RAB30: variants seen among roughly 807,000 people sequenced by gnomAD.
The protein encoded by RAB30 is RAB30, member RAS oncogene family.
In RAB30, 9 loss-of-function variants were observed where a neutral mutation model predicts 25.1. The ratio of observed to expected loss-of-function variants is 0.36; its 90% CI spans 0.22 to 0.63. The LOEUF (loss-of-function observed/expected upper bound fraction) is 0.63. Ranked by LOEUF, RAB30 falls within the 20% of genes least tolerant of loss-of-function variation. RAB30 has a pLI of 0.69. For missense variants in RAB30, 140 were observed against 243.5 expected, an observed-to-expected ratio of 0.58 and a Z score of 2.83; for synonymous variants, 77 against 86.4, an observed-to-expected ratio of 0.89 and a Z score of 0.60.
chr11:83,016,855 C>T (rs941840052), intron 1 of RAB30, among the ~76,000 whole-genome samples: 1 of 152,200 alleles, frequency 6.6e-6, no homozygotes, highest in African/African-American at 2.4e-5. Flanking sequence ...CTCACACAGA[C>T]TTCTATTATT....
chr11:82,988,920 C>T (rs150387255), intron 3 of RAB30, among the ~76,000 whole-genome samples: 1,903 of 137,716 alleles, frequency 0.014, 46 homozygotes, highest in African/African-American at 0.049. Context: ...GTCTCTCTTG[C>T]GATACATCCT....
Position 82,974,005 on chromosome 11 carries a change from A to G in RAB30, c.*8160T>C, listed in dbSNP as rs1369999825. The G allele has an allele frequency of 6.6e-6, 1 of 152,036 alleles. No individual in the cohort carries two copies. The highest frequency in any genetic ancestry group is 2.4e-5 in the African/African-American group (1 of 41,410). 9.4% of individuals were successfully genotyped at this position (152,036 alleles called of 1,614,324 possible). ...CTTACTTAGAGAAGCCAGACACAAA[A>G]GGCCACATGTTGTTTGACTATATGA... On this transcript the variant is annotated 3_prime_UTR_variant, in exon 5 of 5. Transcript: ENST00000527633.
intron 1 of RAB30, among the ~76,000 whole-genome samples, chr11:83,049,292 T>C (rs576970483): frequency 6.6e-6 from 1 of 151,642 alleles, no homozygotes; most frequent in East Asian, 1.9e-4. Context: ...GCACCTGTAG[T>C]CCCAGCTTCT....
intron 3 of RAB30, among the ~76,000 whole-genome samples, chr11:82,991,451 G>A (rs1284130474): frequency 2.8e-5 from 4 of 143,234 alleles, no homozygotes; most frequent in Non-Finnish European, 6.0e-5. Context: ...AGGCTGCAGT[G>A]AGCTGTGATT....
chr11:82,986,009 T>G (rs1856732436), intron 4 of RAB30, among the ~76,000 whole-genome samples: 1 of 152,124 alleles, frequency 6.6e-6, no homozygotes, highest in South Asian at 2.1e-4. Context: ...GGATCTTAAT[T>G]TGAACAAACA....
chr11:82,997,524 T>A, intron 1 of RAB30, 200 bp from the exon 2 acceptor site: 1 of 536,580 alleles, frequency 1.9e-6, no homozygotes, highest in Non-Finnish European at 3.3e-6. Flanking sequence ...CTCAGCTACC[T>A]CATGCCACAG....
chr11:83,054,907 A>C (rs905203012), intron 1 of RAB30, among the ~76,000 whole-genome samples: 1 of 152,144 alleles, frequency 6.6e-6, no homozygotes, highest in African/African-American at 2.4e-5. Context: ...TGAGCCTCAG[A>C]AATGTAAGGT....
At chr11:83,012,250 T>G (rs1857320781) in intron 1 of RAB30, among the ~76,000 whole-genome samples, 1 of 152,236 alleles carries the variant, frequency 6.6e-6, no homozygotes, top group Admixed American at 6.5e-5. Context: ...TGGCATTTTT[T>G]GCCTCCAATG....
intron 1 of RAB30, among the ~76,000 whole-genome samples, chr11:83,028,060 C>T (rs1040700424): frequency 2.0e-5 from 3 of 151,482 alleles, no homozygotes; most frequent in African/African-American, 7.3e-5. Context: ...CCATGGCAAA[C>T]ACAAAAAAAA....
intron 1 of RAB30, among the ~76,000 whole-genome samples, chr11:83,030,796 CAAA>C (rs199607255): frequency 8.4e-6 from 1 of 118,690 alleles, no homozygotes; most frequent in African/African-American, 3.1e-5. Context: ...GACTCCACCT[CAAA>C]AAAAAAAAAA....
chr11:83,038,351 G>A (rs1395470695), intron 1 of RAB30, among the ~76,000 whole-genome samples: 1 of 152,146 alleles, frequency 6.6e-6, no homozygotes, highest in African/African-American at 2.4e-5. Flanking sequence ...TAGGTGAAAG[G>A]CATATGCTAT....
chr11:83,032,498 C>T (rs538238172), intron 1 of RAB30, among the ~76,000 whole-genome samples: 58 of 152,202 alleles, frequency 3.8e-4, no homozygotes, highest in African/African-American at 1.4e-3. Flanking sequence ...TCACAATTTT[C>T]TTTCTTTTAT....
At chr11:83,052,704 T>C (rs1484784810) in intron 1 of RAB30, among the ~76,000 whole-genome samples, 3 of 152,150 alleles carry the variant, frequency 2.0e-5, no homozygotes, top group African/African-American at 7.2e-5. Flanking sequence ...AATCTTATAG[T>C]TCAAGGCCTC....
At chr11:82,993,015 A>G (rs1180551577) in intron 3 of RAB30, among the ~76,000 whole-genome samples, 1 of 152,188 alleles carries the variant, frequency 6.6e-6, no homozygotes, top group East Asian at 1.9e-4. Flanking sequence ...GGCCTTGGCT[A>G]TCACTTCTTT....
chr11:83,024,471 C>A lies in RAB30; in HGVS notation c.-8-27147G>T, dbSNP rs145185013. On this transcript the variant is annotated intron_variant, in intron 1 of 4. Transcript: ENST00000527633. Reference sequence around the variant, plus strand: ...TGCAGTACTGCAAACATTTCTTGAGCAGTTTTATGGAAGGCAATGTCCCTG... The same window carrying A: ...TGCAGTACTGCAAACATTTCTTGAGAAGTTTTATGGAAGGCAATGTCCCTG... Among the ~76,000 whole-genome samples, 1,520 of 152,310 alleles carry A rather than the reference C, an allele frequency of 1.0e-2. 17 individuals carry two copies. Among genetic ancestry groups the A allele is most frequent in the Non-Finnish European group, 0.011 (752 of 68,022 alleles).
At chr11:82,993,000 T>A (rs1406213211) in intron 3 of RAB30, among the ~76,000 whole-genome samples, 1 of 152,216 alleles carries the variant, frequency 6.6e-6, no homozygotes, top group African/African-American at 2.4e-5. Context: ...TGAGCCACTG[T>A]ACCAGGCCTT....
At chr11:83,067,111 C>T (rs767049367) in intron 1 of RAB30, among the ~76,000 whole-genome samples, 45 of 152,160 alleles carry the variant, frequency 3.0e-4, no homozygotes, top group Non-Finnish European at 5.6e-4. Context: ...CCGCACCCAT[C>T]ACCCCTACCC....
chr11:83,024,711 G>T (rs531957470), intron 1 of RAB30, among the ~76,000 whole-genome samples: 2 of 152,338 alleles, frequency 1.3e-5, no homozygotes, highest in East Asian at 3.9e-4. Context: ...TTCCAGAATT[G>T]TGTGTGTTCC....
At chr11:83,045,774 T>C (rs1483120512) in intron 1 of RAB30, among the ~76,000 whole-genome samples, 2 of 152,224 alleles carry the variant, frequency 1.3e-5, no homozygotes, top group Non-Finnish European at 2.9e-5. Context: ...TTTAGGTAAA[T>C]GTTGGCTATA....
Sources: allele counts gnomAD v4.1 joint callset (sites outside exome capture counted in the v4.1 genomes callset), GRCh38; gene constraint gnomAD v4.1.1; transcripts MANE v1.5; gene names NCBI Gene and HGNC (gene_info 2026-07-23, HGNC 2026-07-21).